CCDC85A: variants seen among roughly 807,000 people sequenced by gnomAD.
CCDC85A encodes the protein coiled-coil domain containing 85A.
A neutral mutation model predicts 50.2 loss-of-function variants in CCDC85A; 38 were observed. That is an observed-to-expected ratio of 0.76 (90% CI 0.58 to 0.99). The LOEUF is 0.99. CCDC85A is among the 50% of genes least tolerant of loss of function. The pLI, the probability that CCDC85A is intolerant of heterozygous loss-of-function variation, is 0.00. For missense variants in CCDC85A, 820 were observed against 742.0 expected (o/e 1.11, Z -1.22); for synonymous variants, 366 against 301.4 (o/e 1.21, Z -2.22).
At chr2:56,278,035 C>A (rs1013080417) in intron 2 of CCDC85A, among the ~76,000 whole-genome samples, 6 of 152,122 alleles carry the variant, frequency 3.9e-5, no homozygotes, top group African/African-American at 1.4e-4. Context: ...GGAGGCCATA[C>A]CTTCAAAGAC....
At chr2:56,289,705 A>G (rs535283638) in intron 2 of CCDC85A, among the ~76,000 whole-genome samples, 3 of 152,168 alleles carry the variant, frequency 2.0e-5, no homozygotes, top group East Asian at 1.9e-4. Flanking sequence ...TCTGCTTTCC[A>G]TCTACTTTTT....
chr2:56,310,774 G>A (rs959531497), intron 2 of CCDC85A, among the ~76,000 whole-genome samples: 4 of 152,152 alleles, frequency 2.6e-5, no homozygotes, highest in African/African-American at 7.2e-5. Flanking sequence ...CTAGATGGAA[G>A]CAAGGTTATA....
intron 2 of CCDC85A, among the ~76,000 whole-genome samples, chr2:56,195,353 T>G (rs1246045794): frequency 6.6e-6 from 1 of 152,214 alleles, no homozygotes; most frequent in African/African-American, 2.4e-5. Flanking sequence ...AGGTAAATGT[T>G]TCTTAAAATT....
intron 2 of CCDC85A, among the ~76,000 whole-genome samples, chr2:56,307,177 CT>C (rs1243680884): frequency 2.0e-5 from 3 of 152,062 alleles, no homozygotes; most frequent in African/African-American, 7.2e-5. Context: ...AAATAAACTG[CT>C]TTCAAACTCA....
chr2:56,380,957 C>G (rs1382578525), intron 5 of CCDC85A, among the ~76,000 whole-genome samples: 2 of 152,078 alleles, frequency 1.3e-5, no homozygotes, highest in Non-Finnish European at 2.9e-5. Flanking sequence ...CTTAGAAATA[C>G]CCTTTAGCTT....
intron 2 of CCDC85A, among the ~76,000 whole-genome samples, chr2:56,296,636 GT>G (rs2104169320): frequency 6.6e-6 from 1 of 152,266 alleles, no homozygotes; most frequent in East Asian, 1.9e-4. Context: ...ATTCTGGCCT[GT>G]TTTACAAAAG....
chr2:56,268,185 A>G (rs1323217016), intron 2 of CCDC85A, among the ~76,000 whole-genome samples: 4 of 152,230 alleles, frequency 2.6e-5, no homozygotes, highest in African/African-American at 9.6e-5. Context: ...TCACATATAT[A>G]TCAGGAATAA....
intron 2 of CCDC85A, among the ~76,000 whole-genome samples, chr2:56,300,256 G>C (rs188137138): frequency 2.9e-4 from 44 of 152,306 alleles, no homozygotes; most frequent in South Asian, 2.1e-4. Flanking sequence ...ACCATAAGAT[G>C]ATCCTTAAGG....
At chr2:56,339,585 T>C (rs751484112) in intron 2 of CCDC85A, among the ~76,000 whole-genome samples, 1 of 152,220 alleles carries the variant, frequency 6.6e-6, no homozygotes, top group Non-Finnish European at 1.5e-5. Context: ...TGTGTAGTCT[T>C]TTCAGCTGCT....
chr2:56,191,804 T>G (rs531896853), intron 1 of CCDC85A, among the ~76,000 whole-genome samples: 2 of 152,238 alleles, frequency 1.3e-5, no homozygotes, highest in South Asian at 4.1e-4. Context: ...GAAATGCCAC[T>G]AGAGGGCAAT....
intron 2 of CCDC85A, among the ~76,000 whole-genome samples, chr2:56,302,992 G>T (rs148767608): frequency 6.6e-6 from 1 of 152,262 alleles, no homozygotes; most frequent in African/African-American, 2.4e-5. Flanking sequence ...TCAGTGTCAT[G>T]CCTGGCTCCA....
At chr2:56,243,995 GTC>G (rs745765583) in intron 2 of CCDC85A, among the ~76,000 whole-genome samples, 26 of 152,126 alleles carry the variant, frequency 1.7e-4, no homozygotes, top group Non-Finnish European at 3.4e-4. Context: ...AACAAATAGA[GTC>G]TCTCTCTCTT....
Position 56,268,691 on chromosome 2 carries a change from A to G in CCDC85A, c.1241-74188A>G, listed in dbSNP as rs961233673. Among the ~76,000 whole-genome samples the G allele has an allele frequency of 2.0e-5, 3 of 152,212 alleles. No homozygotes were observed. The South Asian group carries it at 6.2e-4, about 32-fold the overall frequency. Reference sequence around the variant, plus strand: ...ATCACAAGAAATTACAGATTTTCAAAAACCTGACATCATTATCACAAAATA... The same window carrying G: ...ATCACAAGAAATTACAGATTTTCAAGAACCTGACATCATTATCACAAAATA... On this transcript the variant is annotated intron_variant, in intron 2 of 5. Coordinates refer to ENST00000407595, the MANE Select transcript of CCDC85A (RefSeq NM_001080433.2).
chr2:56,350,532 T>C (rs1351468574), intron 3 of CCDC85A, among the ~76,000 whole-genome samples: 5 of 152,196 alleles, frequency 3.3e-5, no homozygotes, highest in Non-Finnish European at 7.3e-5. Flanking sequence ...GATTTTGGAA[T>C]ATAGTTAATT....
At chr2:56,220,306 TCAGGTATACTACA>T (rs1668271006) in intron 2 of CCDC85A, among the ~76,000 whole-genome samples, 2 of 152,030 alleles carry the variant, frequency 1.3e-5, no homozygotes, top group South Asian at 2.1e-4. Flanking sequence ...GGCTGTTAAA[TCAGGTATACTACA>T]CATGCTGAAT....
At chr2:56,237,496 G>A (rs1294081435) in intron 2 of CCDC85A, among the ~76,000 whole-genome samples, 3 of 152,108 alleles carry the variant, frequency 2.0e-5, no homozygotes, top group Non-Finnish European at 4.4e-5. Context: ...AACAATAATC[G>A]CCAGTGTATG....
chr2:56,300,490 G>A (rs1484491811), intron 2 of CCDC85A, among the ~76,000 whole-genome samples: 3 of 152,142 alleles, frequency 2.0e-5, no homozygotes, highest in African/African-American at 7.2e-5. Flanking sequence ...TCATGTAGGG[G>A]TGATGCTGAA....
chr2:56,360,307 A>G (rs1675461318), intron 3 of CCDC85A, among the ~76,000 whole-genome samples: 1 of 152,204 alleles, frequency 6.6e-6, no homozygotes, highest in African/African-American at 2.4e-5. Flanking sequence ...TACCACGTGA[A>G]GCTAATTGAT....
intron 2 of CCDC85A, among the ~76,000 whole-genome samples, chr2:56,294,099 G>A (rs1216783729): frequency 2.0e-5 from 3 of 151,970 alleles, no homozygotes; most frequent in African/African-American, 7.2e-5. Flanking sequence ...ATGGAATATT[G>A]TGCAACCATA....
Sources: gnomAD v4.1 joint callset for allele counts (sites outside exome capture counted in the v4.1 genomes callset) on GRCh38, gnomAD v4.1.1 for gene constraint, MANE v1.5 for transcripts, NCBI Gene and HGNC (gene_info 2026-07-23, HGNC 2026-07-21) for gene names.